Variants in ROBO2 observed in about 807,000 individuals in gnomAD.
The protein encoded by ROBO2 is roundabout guidance receptor 2.
Under a neutral mutation model 160.8 loss-of-function variants are expected in ROBO2, and 53 were observed. The observed-to-expected ratio is 0.33, with a 90% CI of 0.26 to 0.41. The LOEUF is 0.41. Among genes scored for constraint, ROBO2 ranks in the 10% least tolerant of loss-of-function variants. The pLI, the probability that ROBO2 is intolerant of heterozygous loss-of-function variation, is 1.00. For synonymous variants in ROBO2, 664 were observed against 611.7 expected (o/e 1.09, Z -1.26); for missense variants, 1,577 against 1,722.4 (o/e 0.92, Z 1.49).
At chr3:76,343,595 G>A (rs1246246878) in intron 2 of ROBO2, among the ~76,000 whole-genome samples, 7 of 151,444 alleles carry the variant, frequency 4.6e-5, no homozygotes, top group East Asian at 2.0e-4. Flanking sequence ...CCGCAATTAC[G>A]TTTGCACCAA....
intron 2 of ROBO2, among the ~76,000 whole-genome samples, chr3:77,024,555 C>T (rs982048268): frequency 2.0e-5 from 3 of 152,044 alleles, no homozygotes; most frequent in Non-Finnish European, 2.9e-5. Flanking sequence ...AATGTTAAAA[C>T]TAATGTTAGG....
chr3:77,190,145 C>T (rs2081693690), intron 2 of ROBO2, among the ~76,000 whole-genome samples: 1 of 151,688 alleles, frequency 6.6e-6, no homozygotes, highest in South Asian at 2.1e-4. Flanking sequence ...AAAATTTGAC[C>T]CTTGTTTCTA....
At chr3:76,886,347 T>C (rs2148785700) in intron 2 of ROBO2, among the ~76,000 whole-genome samples, 1 of 152,162 alleles carries the variant, frequency 6.6e-6, no homozygotes, top group African/African-American at 2.4e-5. Context: ...TCAAAACTGT[T>C]TCTATGGAGA....
intron 2 of ROBO2, among the ~76,000 whole-genome samples, chr3:76,222,416 A>T (rs761570010): frequency 1.6e-4 from 24 of 152,124 alleles, no homozygotes; most frequent in Non-Finnish European, 3.1e-4. Flanking sequence ...GTACATGTTG[A>T]CCTTGTGACT....
At chr3:77,061,020 C>T (rs1309014384) in intron 1 of ROBO2, among the ~76,000 whole-genome samples, 1 of 151,988 alleles carries the variant, frequency 6.6e-6, no homozygotes, top group South Asian at 2.1e-4. Flanking sequence ...AATGCTGCCT[C>T]GAACTCCTGG....
At chr3:76,780,354 A>C (rs1304951943) in intron 2 of ROBO2, among the ~76,000 whole-genome samples, 2 of 150,928 alleles carry the variant, frequency 1.3e-5, no homozygotes, top group African/African-American at 4.8e-5. Context: ...ATGGTTTACA[A>C]ATGTTTCCTC....
chr3:77,158,620 T>C (rs867638208), intron 2 of ROBO2, among the ~76,000 whole-genome samples: 1 of 152,140 alleles, frequency 6.6e-6, no homozygotes, highest in Non-Finnish European at 1.5e-5. Flanking sequence ...TCTTAGATAA[T>C]AAATACTTGC....
chr3:76,429,404 T>C (rs566644346), intron 2 of ROBO2, among the ~76,000 whole-genome samples: 1 of 152,284 alleles, frequency 6.6e-6, no homozygotes, highest in South Asian at 2.1e-4. Flanking sequence ...TTAAAGCACT[T>C]AGAACAATTC....
At chr3:77,521,748 G>A (rs945641038) in intron 5 of ROBO2, among the ~76,000 whole-genome samples, 2 of 151,184 alleles carry the variant, frequency 1.3e-5, no homozygotes, top group Non-Finnish European at 3.0e-5. Context: ...AATTAAGCTG[G>A]GTTATTCTTC....
chr3:76,364,513 C>A (rs372968467), intron 2 of ROBO2, among the ~76,000 whole-genome samples: 292 of 152,014 alleles, frequency 1.9e-3, no homozygotes, highest in Middle Eastern at 0.014. Flanking sequence ...CTGAAAAGTA[C>A]AGGTTATGTA....
intron 2 of ROBO2, among the ~76,000 whole-genome samples, chr3:76,515,235 C>T (rs1472879960): frequency 3.9e-5 from 6 of 152,078 alleles, no homozygotes; most frequent in Middle Eastern, 3.2e-3. Context: ...TATACCTTCT[C>T]GCCTTCTTCC....
intron 24 of ROBO2, chr3:77,642,804 C>T (rs1209220236): frequency 2.2e-6 from 1 of 456,726 alleles, no homozygotes; most frequent in Admixed American, 2.3e-5. Flanking sequence ...ATGCATCCAG[C>T]TTAGAAGACA....
chr3:76,934,958 A>ATTT (rs151316771), intron 2 of ROBO2, among the ~76,000 whole-genome samples: 15 of 146,810 alleles, frequency 1.0e-4, no homozygotes, highest in African/African-American at 2.3e-4. Context: ...AGGCTTCACA[A>ATTT]ATTTTTTTTT....
At chr3:77,620,343 T>A (rs1559743958) in intron 22 of ROBO2, among the ~76,000 whole-genome samples, 1 of 152,226 alleles carries the variant, frequency 6.6e-6, no homozygotes. Context: ...AAGATATTTA[T>A]AAATGTTATG....
At chr3:77,436,334 TG>T (rs2079284059) in intron 2 of ROBO2, among the ~76,000 whole-genome samples, 1 of 87,226 alleles carries the variant, frequency 1.1e-5, no homozygotes, top group Non-Finnish European at 2.9e-5. Flanking sequence ...ATACATTATC[TG>T]TTTGTTCTCT....
At chr3:77,325,085 A>G (rs1382748273) in intron 2 of ROBO2, among the ~76,000 whole-genome samples, 2 of 152,242 alleles carry the variant, frequency 1.3e-5, no homozygotes, top group African/African-American at 4.8e-5. Flanking sequence ...TATTTTAGAA[A>G]TAAGAAATGA....
rs560283270 is a variant in ROBO2, at chr3:76,852,847, G to A, written c.110-245167G>A. The stretch of plus-strand genomic sequence containing the variant: ...GTACATTCACTGTTATATATATGTC[G>A]TGATAGTTGTAAATATAATACTAAA... On this transcript the variant is annotated intron_variant, in intron 2 of 26. Transcript: ENST00000487694. Among the ~76,000 whole-genome samples, 25 of 152,074 alleles carry A rather than the reference G, an allele frequency of 1.6e-4. No individual in the cohort carries two copies. In the South Asian group the frequency reaches 4.4e-3, roughly 27 times the overall value.
At chr3:76,250,056 G>A (rs942440678) in intron 2 of ROBO2, among the ~76,000 whole-genome samples, 2 of 151,938 alleles carry the variant, frequency 1.3e-5, no homozygotes, top group Non-Finnish European at 2.9e-5. Context: ...GGGTCTCCTG[G>A]GACCAATGAA....
intron 2 of ROBO2, among the ~76,000 whole-genome samples, chr3:76,882,988 G>T (rs1167927635): frequency 6.6e-6 from 1 of 152,096 alleles, no homozygotes; most frequent in East Asian, 1.9e-4. Context: ...ATCTGTAAAA[G>T]GATATTAACC....
Sources: gnomAD v4.1 joint callset for allele counts (sites outside exome capture counted in the v4.1 genomes callset) on GRCh38, gnomAD v4.1.1 for gene constraint, MANE v1.5 for transcripts, NCBI Gene and HGNC (gene_info 2026-07-23, HGNC 2026-07-21) for gene names.